Variants in EIF2B3 observed in about 807,000 individuals in gnomAD.
The protein encoded by EIF2B3 is eukaryotic translation initiation factor 2B subunit gamma.
In EIF2B3, 20 loss-of-function variants were observed where a neutral mutation model predicts 54.1. That is an observed-to-expected ratio of 0.37 (90% confidence interval 0.26 to 0.54). EIF2B3 has a LOEUF of 0.54. EIF2B3 is among the 20% of genes least tolerant of loss of function. The pLI is 0.86. For synonymous variants in EIF2B3, 153 were observed against 188.1 expected (o/e 0.81, Z 1.52); for missense variants, 448 against 547.8 (o/e 0.82, Z 1.82).
At chr1:44,909,554 A>G (rs1643473736) in intron 5 of EIF2B3, among the ~76,000 whole-genome samples, 1 of 152,180 alleles carries the variant, frequency 6.6e-6, no homozygotes, top group Non-Finnish European at 1.5e-5. Context: ...CCCAGGCAGG[A>G]GATTGGAAGA....
chr1:44,958,018 T>C (rs1051719572), intron 3 of EIF2B3, among the ~76,000 whole-genome samples: 1 of 152,216 alleles, frequency 6.6e-6, no homozygotes, highest in Non-Finnish European at 1.5e-5. Flanking sequence ...AAGTTATTCA[T>C]TGCAGCAAAA....
intron 4 of EIF2B3, among the ~76,000 whole-genome samples, chr1:44,938,194 C>T (rs1643978251): frequency 6.6e-6 from 1 of 151,866 alleles, no homozygotes; most frequent in Non-Finnish European, 1.5e-5. Context: ...AGAGGCATGC[C>T]AAATATATAA....
At chr1:44,940,850 G>C (rs1644012301) in intron 4 of EIF2B3, 1 of 152,252 alleles carries the variant, frequency 6.6e-6, no homozygotes, top group African/African-American at 2.4e-5. Flanking sequence ...AGCATTGAAA[G>C]AACCAGCCAT....
At chr1:44,913,259 C>G (rs1176194314) in intron 5 of EIF2B3, among the ~76,000 whole-genome samples, 1 of 151,942 alleles carries the variant, frequency 6.6e-6, no homozygotes, top group Non-Finnish European at 1.5e-5. Flanking sequence ...CAAAAAAACT[C>G]CCTCTGCTTC....
At chr1:44,924,796 T>C (rs1478711531) in intron 5 of EIF2B3, among the ~76,000 whole-genome samples, 1 of 152,210 alleles carries the variant, frequency 6.6e-6, no homozygotes, top group Non-Finnish European at 1.5e-5. Context: ...TACAGTTGCA[T>C]AGTTTTAAGA....
At chr1:44,915,718 A>G (rs1364819175) in intron 5 of EIF2B3, among the ~76,000 whole-genome samples, 1 of 152,188 alleles carries the variant, frequency 6.6e-6, no homozygotes, top group African/African-American at 2.4e-5. Context: ...TTATGTACAT[A>G]TACAAATAGA....
intron 6 of EIF2B3, among the ~76,000 whole-genome samples, chr1:44,890,711 C>T (rs1655767228): frequency 6.6e-6 from 1 of 152,066 alleles, no homozygotes; most frequent in Admixed American, 6.5e-5. Flanking sequence ...CTGTCTTGCA[C>T]CCACCCAAGA....
chr1:44,956,362 CG>C lies in EIF2B3; in HGVS notation c.295-14698del, dbSNP rs573500155. ...AGGAACATCACACACCAGGGCCTGT[CG>C]GGGGGTGGGGGGACTAGGAGAGGGA... On this transcript the variant is annotated intron_variant, in intron 3 of 11. Transcript: ENST00000360403. Among the ~76,000 whole-genome samples, 778 of 151,592 alleles carry C rather than the reference CG, an allele frequency of 5.1e-3. 11 individuals are homozygous for C. The highest frequency in any genetic ancestry group is 0.018 in the African/African-American group (748 of 41,280).
At chr1:44,869,478 A>G (rs1342927413) in intron 10 of EIF2B3, among the ~76,000 whole-genome samples, 6 of 140,426 alleles carry the variant, frequency 4.3e-5, no homozygotes, top group Non-Finnish European at 9.2e-5. Context: ...ACTATCTCGG[A>G]AAAAAAAAAA....
At chr1:44,877,210 A>AAAAAAAAAC (rs1655217308) in intron 8 of EIF2B3, among the ~76,000 whole-genome samples, 1 of 148,776 alleles carries the variant, frequency 6.7e-6, no homozygotes, top group African/African-American at 2.5e-5. Flanking sequence ...AAAAAAAAAA[A>AAAAAAAAAC]AAAAAAAAAA....
chr1:44,914,125 A>C (rs1328957236), intron 5 of EIF2B3, among the ~76,000 whole-genome samples: 2 of 149,728 alleles, frequency 1.3e-5, no homozygotes, highest in Non-Finnish European at 1.5e-5. Flanking sequence ...CACCGCACCC[A>C]GCCTTACTTG....
intron 3 of EIF2B3, among the ~76,000 whole-genome samples, chr1:44,942,638 G>C (rs902034823): frequency 6.7e-6 from 1 of 148,472 alleles, no homozygotes; most frequent in South Asian, 2.1e-4. Context: ...ATGTTGCCTA[G>C]GCTAGTCTCA....
intron 10 of EIF2B3, among the ~76,000 whole-genome samples, chr1:44,867,647 CGTAA>C (rs1654824087): frequency 6.6e-6 from 1 of 151,814 alleles, no homozygotes; most frequent in African/African-American, 2.4e-5. Flanking sequence ...CCAGGTTTGC[CGTAA>C]GTAATTAAAA....
At chr1:44,968,372 GAA>G (rs35847625) in intron 3 of EIF2B3, among the ~76,000 whole-genome samples, 3 of 118,086 alleles carry the variant, frequency 2.5e-5, no homozygotes, top group Non-Finnish European at 1.8e-5. Context: ...TTAAAAAAAG[GAA>G]AAAAAAAAAA....
At chr1:44,905,323 A>G (rs1391566425) in intron 5 of EIF2B3, among the ~76,000 whole-genome samples, 1 of 152,192 alleles carries the variant, frequency 6.6e-6, no homozygotes, top group Non-Finnish European at 1.5e-5. Context: ...AAGAGTTCCA[A>G]GTTCTGCTCC....
chr1:44,971,857 C>A (rs1345666226), intron 3 of EIF2B3, among the ~76,000 whole-genome samples: 1 of 151,522 alleles, frequency 6.6e-6, no homozygotes, highest in Non-Finnish European at 1.5e-5. Flanking sequence ...ATGGTGAAAC[C>A]CCGTCTCTAT....
At chr1:44,977,268 G>A in intron 3 of EIF2B3, among the ~76,000 whole-genome samples, 1 of 152,124 alleles carries the variant, frequency 6.6e-6, no homozygotes, top group East Asian at 1.9e-4. Flanking sequence ...ATATCTATGT[G>A]CTCCTTAGTT....
chr1:44,869,252 C>A (rs1233217854), intron 10 of EIF2B3, among the ~76,000 whole-genome samples: 4 of 152,048 alleles, frequency 2.6e-5, no homozygotes, highest in African/African-American at 9.7e-5. Context: ...CTGAGACAGG[C>A]AGATCACTTG....
In EIF2B3 at chr1:44,850,794, A is replaced by G; in HGVS notation, c.*157T>C. The G allele has an allele frequency of 1.3e-6, 1 of 755,662 alleles. No individual in the cohort carries two copies. Among genetic ancestry groups the G allele is most frequent in the Non-Finnish European group, 2.3e-6 (1 of 437,086 alleles). The allele number at this position is 755,662 out of a possible 1,614,324, so 46.8% of individuals were successfully genotyped here. On this transcript the variant is annotated 3_prime_UTR_variant, in exon 12 of 12. Transcript: ENST00000360403. ...ATGAACATACACTGTGTACACCTGG[A>G]GCCCACCTGACATGGAGCTTTGGAC...
Sources: allele counts gnomAD v4.1 joint callset (sites outside exome capture counted in the v4.1 genomes callset), GRCh38; gene constraint gnomAD v4.1.1; transcripts MANE v1.5; gene names NCBI Gene and HGNC (gene_info 2026-07-23, HGNC 2026-07-21).